CSMD1: variants seen among roughly 807,000 people sequenced by gnomAD.
The protein encoded by CSMD1 is CUB and sushi domain-containing protein 1.
CSMD1 carries 213 observed loss-of-function variants against 417.5 expected under a neutral mutation model. That is an observed-to-expected ratio of 0.51 (90% CI 0.46 to 0.57). The LOEUF is 0.57. CSMD1 is among the 20% of genes least tolerant of loss of function. The pLI is 0.00. For missense variants in CSMD1, 6,923 were observed against 4,529.7 expected (o/e 1.53, Z -15.17); for synonymous variants, 2,862 against 1,736.8 (o/e 1.65, Z -16.11).
chr8:4,311,013 G>A (rs963132150), intron 3 of CSMD1, among the ~76,000 whole-genome samples: 1 of 152,196 alleles, frequency 6.6e-6, no homozygotes, highest in Non-Finnish European at 1.5e-5. Flanking sequence ...AAAGTGGCAA[G>A]GATGTGGAGA....
chr8:3,897,500 G>A (rs1402188276), intron 5 of CSMD1, among the ~76,000 whole-genome samples: 1 of 151,852 alleles, frequency 6.6e-6, no homozygotes, highest in Non-Finnish European at 1.5e-5. Context: ...TTAAAGTCAT[G>A]CATAAACTTG....
chr8:3,463,904 G>A (rs780492204), intron 12 of CSMD1, among the ~76,000 whole-genome samples: 1 of 152,136 alleles, frequency 6.6e-6, no homozygotes, highest in Non-Finnish European at 1.5e-5. Flanking sequence ...TAGGAGCACA[G>A]ACCCTTGGCC....
intron 3 of CSMD1, among the ~76,000 whole-genome samples, chr8:4,306,272 G>C (rs1223632251): frequency 6.6e-6 from 1 of 151,794 alleles, no homozygotes; most frequent in South Asian, 2.1e-4. Flanking sequence ...TTGTAGAATG[G>C]CCCTTCCTGA....
chr8:3,434,944 C>G (rs992522328), intron 12 of CSMD1, among the ~76,000 whole-genome samples: 4 of 152,222 alleles, frequency 2.6e-5, no homozygotes, highest in Non-Finnish European at 5.9e-5. Context: ...AGCACAGTTC[C>G]CATGTGCTGT....
chr8:3,676,192 T>C (rs781404717), intron 7 of CSMD1, among the ~76,000 whole-genome samples: 3 of 152,226 alleles, frequency 2.0e-5, no homozygotes, highest in African/African-American at 4.8e-5. Flanking sequence ...TTCTCCTCGT[T>C]TGTCCATACT....
chr8:4,243,937 C>T (rs967782798), intron 3 of CSMD1, among the ~76,000 whole-genome samples: 1 of 152,170 alleles, frequency 6.6e-6, no homozygotes, highest in Non-Finnish European at 1.5e-5. Flanking sequence ...AAGTGACTTC[C>T]TCCAACTACA....
At chr8:4,733,279 G>C (rs988867203) in intron 1 of CSMD1, among the ~76,000 whole-genome samples, 7 of 152,230 alleles carry the variant, frequency 4.6e-5, no homozygotes, top group African/African-American at 1.7e-4. Flanking sequence ...TATGCAGAAG[G>C]AAAAATAAAT....
chr8:4,212,794 C>G (rs1800400464), intron 3 of CSMD1, among the ~76,000 whole-genome samples: 1 of 115,204 alleles, frequency 8.7e-6, no homozygotes, highest in Non-Finnish European at 1.6e-5. Context: ...ATTGAACAAT[C>G]TCATTGCTTT....
At chr8:3,081,297 G>A (rs533499028) in intron 49 of CSMD1, among the ~76,000 whole-genome samples, 3 of 152,252 alleles carry the variant, frequency 2.0e-5, no homozygotes, top group East Asian at 1.9e-4. Context: ...CATTCAGGAA[G>A]TTTATAAATT....
At chr8:3,613,516 C>A (rs916296085) in intron 8 of CSMD1, among the ~76,000 whole-genome samples, 6 of 151,764 alleles carry the variant, frequency 4.0e-5, no homozygotes, top group African/African-American at 1.2e-4. Context: ...AACATTTTAA[C>A]AAGTCAAATT....
chr8:4,262,015 A>T (rs966986445), intron 3 of CSMD1, among the ~76,000 whole-genome samples: 4 of 152,192 alleles, frequency 2.6e-5, no homozygotes, highest in Admixed American at 1.3e-4. Flanking sequence ...GAGACTGCTT[A>T]ATCTTTAGTA....
At chr8:4,741,426 C>T (rs1327680248) in intron 1 of CSMD1, among the ~76,000 whole-genome samples, 1 of 152,134 alleles carries the variant, frequency 6.6e-6, no homozygotes, top group Non-Finnish European at 1.5e-5. Context: ...CAGGAAATAA[C>T]TGTTTTTATT....
intron 26 of CSMD1, among the ~76,000 whole-genome samples, chr8:3,263,110 A>AT (rs1240476962): frequency 1.3e-4 from 20 of 151,774 alleles, no homozygotes; most frequent in South Asian, 6.2e-4. Flanking sequence ...ATCAACTGTT[A>AT]TTTTTTTTCA....
At chr8:4,470,967 G>C (rs558815963) in intron 2 of CSMD1, among the ~76,000 whole-genome samples, 2 of 152,154 alleles carry the variant, frequency 1.3e-5, no homozygotes, top group Non-Finnish European at 2.9e-5. Flanking sequence ...TGTCAATTCA[G>C]TGTCTTTTAA....
chr8:3,898,004 G>T (rs548446908), intron 5 of CSMD1, among the ~76,000 whole-genome samples: 18 of 152,276 alleles, frequency 1.2e-4, no homozygotes, highest in African/African-American at 3.9e-4. Context: ...CTCCTAGGAG[G>T]TGCCCAGATC....
chr8:3,006,795 C>T lies in CSMD1; in HGVS notation c.8030-6664G>A, dbSNP rs934719000. ...ATTCAAGATGGATTAAAGACTTAAA[C>T]GTTAGACCTAAAACCATAAAAACCC... On this transcript the variant is annotated intron_variant, in intron 52 of 69. Coordinates refer to ENST00000635120, the MANE Select transcript of CSMD1 (RefSeq NM_033225.6). 1.8e-3 allele frequency among the ~76,000 whole-genome samples: 272 copies of T among 151,046 alleles called. 3 individuals carry two copies. Among genetic ancestry groups the T allele is most frequent in the Non-Finnish European group, 6.6e-4 (45 of 67,980 alleles).
At chr8:3,079,017 G>C (rs1813895288) in intron 49 of CSMD1, among the ~76,000 whole-genome samples, 1 of 152,178 alleles carries the variant, frequency 6.6e-6, no homozygotes, top group Non-Finnish European at 1.5e-5. Context: ...CTTCAGTGAA[G>C]TCACTTGCCC....
chr8:4,398,782 T>A (rs911283844), intron 3 of CSMD1, among the ~76,000 whole-genome samples: 2 of 152,244 alleles, frequency 1.3e-5, no homozygotes, highest in Non-Finnish European at 2.9e-5. Flanking sequence ...TGATCAGCAC[T>A]GTTCTTTCAC....
rs755389223 is a variant in CSMD1, at chr8:3,268,287, CTATTTTTTTTTTT to C, written c.4153+15844_4153+15856del. Among the ~76,000 whole-genome samples the C allele has an allele frequency of 2.6e-3, 296 of 114,662 alleles. 13 individuals carry two copies. The East Asian group carries it at 0.067, about 26-fold the overall frequency. 75.2% of individuals were successfully genotyped at this position (114,662 alleles called of 152,430 possible). A position where few individuals can be genotyped will look rare whatever the true frequency, so the allele number is the denominator to read the frequency against. On this transcript the variant is annotated intron_variant, in intron 26 of 69. Coordinates refer to ENST00000635120, the MANE Select transcript of CSMD1 (RefSeq NM_033225.6). Reference sequence around the variant, plus strand: ...AGGGTGTGGTCAGATGGTTCATTTCCTATTTTTTTTTTTTTTTTTTTTTTTTTGAGACGGAGTT... The same window carrying C: ...AGGGTGTGGTCAGATGGTTCATTTCCTTTTTTTTTTTTTTGAGACGGAGTT...
Sources: allele counts gnomAD v4.1 joint callset (sites outside exome capture counted in the v4.1 genomes callset), GRCh38; gene constraint gnomAD v4.1.1; transcripts MANE v1.5; gene names NCBI Gene and HGNC (gene_info 2026-07-23, HGNC 2026-07-21).